The following PHF20L1 variants were observed in gnomAD, a reference collection of about 807,000 sequenced individuals.
PHF20L1 encodes PHD finger protein 20 like 1.
PHF20L1 carries 44 observed loss-of-function variants against 125.5 expected under a neutral mutation model. The ratio of observed to expected loss-of-function variants is 0.35; its 90% confidence interval spans 0.28 to 0.45. The LOEUF is 0.45. Among genes scored for constraint, PHF20L1 ranks in the 20% least tolerant of loss-of-function variants. PHF20L1 has a pLI of 1.00. For synonymous variants in PHF20L1, 380 were observed against 403.1 expected (o/e 0.94, Z 0.69); for missense variants, 1,012 against 1,217.2 (o/e 0.83, Z 2.51).
chr8:132,787,200 ATT>A (rs1831142825), intron 2 of PHF20L1, among the ~76,000 whole-genome samples: 1 of 151,078 alleles, frequency 6.6e-6, no homozygotes, highest in African/African-American at 2.4e-5. Flanking sequence ...TGGTACAGGT[ATT>A]TTGATTTGGT....
chr8:132,845,886 G>A lies in PHF20L1; in HGVS notation c.3017G>A (p.Gly1006Asp), dbSNP rs375728047. 2 of 1,611,982 alleles carry A rather than the reference G, an allele frequency of 1.2e-6. No individual in the cohort carries two copies. The highest frequency in any genetic ancestry group is 1.7e-6 in the Non-Finnish European group (2 of 1,178,588). ...ATAAAACAGCTCCTAATTGACATGGGCAAAGTACAGCAGATAGCAACTCTT... is the reference window on the plus strand; with the variant it reads ...ATAAAACAGCTCCTAATTGACATGGACAAAGTACAGCAGATAGCAACTCTT... ...RHIKQLLIDM[G>D]KVQQIATLCS... Residue 1006 changes from glycine (G) to aspartate (D), a missense_variant, in exon 21 of 21, where the codon GGC (glycine) becomes GAC (aspartate). By Grantham distance (94) the Gly-to-Asp change is moderately conservative (BLOSUM62 -1). Transcript: ENST00000395386.
chr8:132,804,016 A>C lies in PHF20L1; in HGVS notation c.705A>C (p.Thr235=), dbSNP rs150468999. ...PDVEKKEDLP[T]SSETFGLHVE... is the part of the protein sequence containing the mutation. ...TAGAGAAGAAGGAAGATCTGCCTAC[A>C]TCTAGTGAAACATTTGGTACAAAAT... is the stretch of plus-strand genomic sequence containing the variant. The change falls in exon 7 of 21, where the codon ACA becomes ACC. Residue 235 remains threonine, a synonymous_variant. Coordinates refer to ENST00000395386, the MANE Select transcript of PHF20L1 (RefSeq NM_016018.5). 4 of 1,605,556 alleles carry C rather than the reference A, an allele frequency of 2.5e-6. No homozygotes were observed. Among genetic ancestry groups the C allele is most frequent in the African/African-American group, 2.7e-5 (2 of 74,682 alleles).
intron 8 of PHF20L1, among the ~76,000 whole-genome samples, chr8:132,806,132 C>T (rs1166810613): frequency 1.3e-5 from 2 of 151,892 alleles, no homozygotes; most frequent in African/African-American, 4.8e-5. Context: ...TGACATGATA[C>T]AACTGCCAGC....
At chr8:132,799,844 G>A (rs1442597464) in intron 6 of PHF20L1, 1 of 151,824 alleles carries the variant, frequency 6.6e-6, no homozygotes, top group Admixed American at 6.6e-5. Flanking sequence ...TGATTAGCAA[G>A]CAGATTTCTT....
intron 2 of PHF20L1, among the ~76,000 whole-genome samples, chr8:132,785,223 A>C (rs960592333): frequency 6.6e-6 from 1 of 152,140 alleles, no homozygotes; most frequent in Non-Finnish European, 1.5e-5. Context: ...GAATGTTATT[A>C]TGTATTATGA....
At chr8:132,786,162 A>T (rs1161558793) in intron 2 of PHF20L1, among the ~76,000 whole-genome samples, 1 of 152,140 alleles carries the variant, frequency 6.6e-6, no homozygotes, top group Non-Finnish European at 1.5e-5. Context: ...TTAGTTCTGT[A>T]ACATATCATA....
chr8:132,777,216 C>G (rs1240575804), intron 1 of PHF20L1, among the ~76,000 whole-genome samples: 1 of 152,120 alleles, frequency 6.6e-6, no homozygotes, highest in Non-Finnish European at 1.5e-5. Context: ...GGTGGGAGAT[C>G]ATGGGTAATG....
chr8:132,839,802 C>T (rs372599752), intron 18 of PHF20L1, among the ~76,000 whole-genome samples: 26 of 152,198 alleles, frequency 1.7e-4, no homozygotes, highest in African/African-American at 6.0e-4. Flanking sequence ...AAGGTAGATA[C>T]GGCATCTAGT....
chr8:132,844,005 T>C, intron 19 of PHF20L1, 151 bp from the exon 20 acceptor site: 1 of 1,410,256 alleles, frequency 7.1e-7, no homozygotes. Flanking sequence ...TGGAATTTGG[T>C]TATGTAGCAG....
At chr8:132,825,038 T>TCAGG in intron 13 of PHF20L1, 10 of 1,449,800 alleles carry the variant, frequency 6.9e-6, no homozygotes, top group Non-Finnish European at 9.3e-6. Flanking sequence ...CTTTAAGGTA[T>TCAGG]CAGGAGTTGG....
rs962699851 is a variant in PHF20L1 at position 132,847,143 on chromosome 8, A to G, written c.*1220A>G. 6.6e-6 allele frequency: 1 copy of G among 152,616 alleles called. No homozygotes were observed. Among genetic ancestry groups the G allele is most frequent in the South Asian group, 2.1e-4 (1 of 4,834 alleles). The allele number at this position is 152,616 out of a possible 1,614,324, so 9.5% of individuals were successfully genotyped here. A position where few individuals can be genotyped will look rare whatever the true frequency, so the allele number is the denominator to read the frequency against. ...TGCCCCCAGTGCTACATACGCAGGT[A>G]TGCGTAAGTGTGTATGCTTGTTTTA... On this transcript the variant is annotated 3_prime_UTR_variant, in exon 21 of 21. Transcript: ENST00000395386.
At chr8:132,803,426 T>C (rs7830984) in intron 6 of PHF20L1, 22,567 of 159,976 alleles carry the variant, frequency 0.14, 2,276 homozygotes, top group African/African-American at 0.29. Flanking sequence ...ATAGCATTTT[T>C]CCCTTCTTTT....
intron 2 of PHF20L1, among the ~76,000 whole-genome samples, chr8:132,793,175 G>T (rs956600888): frequency 6.6e-6 from 1 of 152,068 alleles, no homozygotes; most frequent in Non-Finnish European, 1.5e-5. Context: ...TGTATACAAA[G>T]GAAGGGAAGG....
intron 15 of PHF20L1, among the ~76,000 whole-genome samples, chr8:132,835,077 T>C (rs1176169763): frequency 6.6e-6 from 1 of 152,102 alleles, no homozygotes; most frequent in African/African-American, 2.4e-5. Context: ...CTGTTCAACT[T>C]CGGTCCCATC....
At chr8:132,786,482 A>T (rs1350152731) in intron 2 of PHF20L1, among the ~76,000 whole-genome samples, 2 of 152,162 alleles carry the variant, frequency 1.3e-5, no homozygotes, top group Admixed American at 1.3e-4. Context: ...AGAAAAAAAT[A>T]GATAACTTGA....
intron 12 of PHF20L1, among the ~76,000 whole-genome samples, chr8:132,822,057 A>G (rs1835664296): frequency 6.6e-6 from 1 of 151,956 alleles, no homozygotes; most frequent in Non-Finnish European, 1.5e-5. Context: ...CGTTGCATAT[A>G]TGAATATTTA....
In PHF20L1 at chr8:132,842,651, C is replaced by T. The variant is rs1325732217; in HGVS notation, c.2524C>T (p.His842Tyr). ...NREEKKYVQN[H>Y]KEPPRLPLKM... ...AGAAGAAAAGAAATATGTACAGAAC[C>T]ATAAAGAACCACCTCGTTTGCCCCT... Residue 842 changes from histidine to tyrosine, a missense_variant, in exon 19 of 21, where the codon CAT becomes TAT. Around this residue, in one of 7 missense-constraint regions of PHF20L1, gnomAD observed 277 missense variants for 283.6 expected, o/e 0.98. Transcript: ENST00000395386. 1.9e-6 allele frequency: 3 copies of T among 1,613,004 alleles called. No individual in the cohort carries two copies. Among genetic ancestry groups the T allele is most frequent in the Non-Finnish European group, 2.5e-6 (3 of 1,179,480 alleles).
chr8:132,808,980 C>T (rs545649775), intron 8 of PHF20L1: 2 of 151,682 alleles, frequency 1.3e-5, no homozygotes, highest in South Asian at 4.2e-4. Flanking sequence ...CAAAGTGTTA[C>T]AAGCATGAGC....
chr8:132,839,640 A>G (rs1837724910), intron 18 of PHF20L1, 58 bp downstream of exon 18: 3 of 1,226,990 alleles, frequency 2.4e-6, no homozygotes, highest in African/African-American at 1.5e-5. Flanking sequence ...AATTCAAACC[A>G]ACACTGTTGG....
Sources: allele counts gnomAD v4.1 joint callset (sites outside exome capture counted in the v4.1 genomes callset), GRCh38; gene constraint gnomAD v4.1.1; regional missense constraint gnomAD v4.1.1; transcripts MANE v1.5; gene names NCBI Gene and HGNC (gene_info 2026-07-23, HGNC 2026-07-21).